The following TLE1 variants were observed in gnomAD, a reference collection of about 807,000 sequenced individuals.
TLE1 encodes transducin-like enhancer protein 1.
Under a neutral mutation model 89.8 loss-of-function variants are expected in TLE1, and 21 were observed. The observed-to-expected ratio is 0.23, with a 90% CI of 0.17 to 0.34. The LOEUF (loss-of-function observed/expected upper bound fraction) is 0.34, where lower values mean the gene tolerates loss of function less well. TLE1 is among the 10% of genes least tolerant of loss of function. TLE1 has a pLI of 1.00. For missense variants in TLE1, 795 were observed against 1,031.2 expected, an observed-to-expected ratio of 0.77 and a Z score of 3.14; for synonymous variants, 447 against 407.6, an observed-to-expected ratio of 1.10 and a Z score of -1.16.
Position 81,633,375 on chromosome 9 carries a change from G to C in TLE1, c.578-11C>G, listed in dbSNP as rs545577411. On this transcript the variant is annotated splice_polypyrimidine_tract_variant and intron_variant, in intron 7 of 19. Transcript: ENST00000376499. ...TGCCCGGCTCTCTGTCTGCTCCCGA[G>C]GTTACCAAGAAACGCACAGACATGC... The C allele has an allele frequency of 1.9e-6, 3 of 1,613,150 alleles. No homozygotes were observed. Among genetic ancestry groups the C allele is most frequent in the Non-Finnish European group, 2.5e-6 (3 of 1,179,908 alleles).
At chr9:81,687,493 G>A (rs982338378) in intron 1 of TLE1, 59 bp from the exon 2 acceptor site, 16 of 1,338,562 alleles carry the variant, frequency 1.2e-5, no homozygotes, top group Middle Eastern at 3.7e-4. Flanking sequence ...GAATAAAGCA[G>A]TAAGTCAGAG....
Position 81,596,292 on chromosome 9 carries a change from C to A in TLE1, c.1332-3018G>T, listed in dbSNP as rs574096932. On this transcript the variant is annotated intron_variant, in intron 14 of 19. Coordinates refer to ENST00000376499, the MANE Select transcript of TLE1 (RefSeq NM_005077.5). ...CAGAAGCTGTGAACACTCATCCGTC[C>A]CACGGGAAGCCCATATGGATGTTAA... 3.9e-5 allele frequency among the ~76,000 whole-genome samples: 6 copies of A among 152,202 alleles called. No homozygotes were observed. In the South Asian group the frequency reaches 1.2e-3, roughly 32 times the overall value.
chr9:81,618,709 A>G (rs1329486365), intron 9 of TLE1, among the ~76,000 whole-genome samples: 2 of 152,212 alleles, frequency 1.3e-5, no homozygotes, highest in African/African-American at 4.8e-5. Context: ...ATAAACTAAA[A>G]GAGTTTCTCT....
At chr9:81,609,858 G>C (rs746435532) in intron 14 of TLE1, among the ~76,000 whole-genome samples, 6 of 152,248 alleles carry the variant, frequency 3.9e-5, no homozygotes, top group Non-Finnish European at 8.8e-5. Context: ...ACTGCCCACA[G>C]CACAGCACTG....
intron 4 of TLE1, among the ~76,000 whole-genome samples, chr9:81,659,046 T>A (rs1413938444): frequency 6.6e-6 from 1 of 152,050 alleles, no homozygotes; most frequent in Non-Finnish European, 1.5e-5. Flanking sequence ...GTAGCTGGGA[T>A]GACAGGCACG....
At chr9:81,683,877 T>TAGGGG (rs779656188) in intron 4 of TLE1, among the ~76,000 whole-genome samples, 2 of 152,120 alleles carry the variant, frequency 1.3e-5, no homozygotes, top group Non-Finnish European at 2.9e-5. Context: ...CCATGGTGCT[T>TAGGGG]CTGACCCACT....
At chr9:81,678,901 G>A (rs1431553795) in intron 4 of TLE1, among the ~76,000 whole-genome samples, 1 of 152,158 alleles carries the variant, frequency 6.6e-6, no homozygotes, top group Non-Finnish European at 1.5e-5. Flanking sequence ...AACACTTTGG[G>A]AGGCTGAGGA....
At chr9:81,607,310 C>T (rs1831826288) in intron 14 of TLE1, among the ~76,000 whole-genome samples, 1 of 149,628 alleles carries the variant, frequency 6.7e-6, no homozygotes, top group African/African-American at 2.5e-5. Flanking sequence ...CATGATATTA[C>T]TTCTGTCTTA....
At chr9:81,662,513 T>C (rs1830943116) in intron 4 of TLE1, among the ~76,000 whole-genome samples, 1 of 151,610 alleles carries the variant, frequency 6.6e-6, no homozygotes, top group African/African-American at 2.4e-5. Flanking sequence ...CTGGCCAACA[T>C]GGTGAACCCT....
chr9:81,636,738 C>T (rs1386070388), intron 6 of TLE1, among the ~76,000 whole-genome samples: 1 of 152,138 alleles, frequency 6.6e-6, no homozygotes, highest in East Asian at 1.9e-4. Flanking sequence ...GGCACAGTGG[C>T]TCACCCCCAT....
At chr9:81,661,102 G>C (rs1277892293) in intron 4 of TLE1, among the ~76,000 whole-genome samples, 2 of 149,892 alleles carry the variant, frequency 1.3e-5, no homozygotes, top group Non-Finnish European at 3.0e-5. Context: ...ACTCCAGCCT[G>C]GCAGAGTGAG....
At chr9:81,682,140 G>A (rs549056033) in intron 4 of TLE1, among the ~76,000 whole-genome samples, 1 of 152,016 alleles carries the variant, frequency 6.6e-6, no homozygotes, top group South Asian at 2.1e-4. Flanking sequence ...TGTAATCCCA[G>A]CTACTCCGGA....
chr9:81,590,909 G>A lies in TLE1; in HGVS notation c.1725C>T (p.Pro575=), dbSNP rs372013873. 77 of 1,614,282 alleles carry A rather than the reference G, an allele frequency of 4.8e-5. No individual in the cohort carries two copies. The highest frequency in any genetic ancestry group is 1.3e-4 in the Admixed American group (8 of 60,036). The stretch of plus-strand genomic sequence containing the variant: ...GGCTGATGGCCAGGGCGTAGCAGGC[G>A]GGGGCCGAGGACGTCAGCTCCGCCT... The part of the protein sequence containing the change: ...RIKAELTSSA[P]ACYALAISPD... Residue 575 remains proline (P), a synonymous_variant, in exon 16 of 20, where the codon CCC becomes CCT. Coordinates refer to ENST00000376499, the MANE Select transcript of TLE1 (RefSeq NM_005077.5).
intron 14 of TLE1, chr9:81,599,868 G>A: frequency 2.3e-6 from 1 of 436,534 alleles, no homozygotes; most frequent in East Asian, 3.2e-5. Flanking sequence ...GAGACTCTTT[G>A]TTTCCTTATT....
intron 4 of TLE1, among the ~76,000 whole-genome samples, chr9:81,674,928 G>A (rs1404533527): frequency 6.6e-6 from 1 of 152,090 alleles, no homozygotes; most frequent in African/African-American, 2.4e-5. Context: ...GCTGAGGTGG[G>A]AGGATCACTT....
intron 4 of TLE1, among the ~76,000 whole-genome samples, chr9:81,672,945 T>C (rs1832409241): frequency 6.6e-6 from 1 of 152,190 alleles, no homozygotes; most frequent in Non-Finnish European, 1.5e-5. Flanking sequence ...TTCTGCTGTT[T>C]GGCCAAAGTA....
rs753850828 is a variant in TLE1 at position 81,611,811 on chromosome 9, T to G, written c.1212A>C (p.Ala404=). The G allele has an allele frequency of 3.9e-6, 6 of 1,551,804 alleles. No individual in the cohort carries two copies. In the South Asian group the frequency reaches 7.2e-5, roughly 19 times the overall value. The change falls in exon 13 of 20, where the codon GCA becomes GCC. Residue 404 remains alanine (A), a synonymous_variant. Transcript: ENST00000376499. ...LHNMSPQMSA[A]AAAAAVVAYG... is the part of the protein sequence containing the mutation. ...AGGCCACCACGGCGGCCGCGGCGGC[T>G]GCGGCGCTCATCTGGGGCGACATGT...
At chr9:81,648,958 A>G (rs941889854) in intron 6 of TLE1, among the ~76,000 whole-genome samples, 1 of 152,196 alleles carries the variant, frequency 6.6e-6, no homozygotes. Context: ...AACCTTGTAC[A>G]TATTTTGTAC....
In TLE1 at chr9:81,653,835, CA is replaced by C. The variant is rs1345138555; in HGVS notation, c.297+138del. 1.1e-4 allele frequency: 77 copies of C among 696,250 alleles called. No individual in the cohort carries two copies. In the South Asian group the frequency reaches 1.3e-3, roughly 12 times the overall value. 43.1% of individuals were successfully genotyped at this position (696,250 alleles called of 1,614,324 possible). A position where few individuals can be genotyped will look rare whatever the true frequency, so the allele number is the denominator to read the frequency against. On this transcript the variant is annotated intron_variant, in intron 5 of 19. Transcript: ENST00000376499. ...CCCTCAGATGTGTTGGATAGACTAG[CA>C]GGGGGTTTACACACTTCAGCTGTAA...
Sources: allele counts gnomAD v4.1 joint callset (sites outside exome capture counted in the v4.1 genomes callset), GRCh38; gene constraint gnomAD v4.1.1; transcripts MANE v1.5; gene names NCBI Gene and HGNC (gene_info 2026-07-23, HGNC 2026-07-21).